Variants in FCRLB observed in about 807,000 individuals in gnomAD.
FCRLB encodes the protein Fc receptor-like B.
In FCRLB, 34 loss-of-function variants were observed where a neutral mutation model predicts 33.6. The ratio of observed to expected loss-of-function variants is 1.01; its 90% CI spans 0.77 to 1.35. FCRLB has a LOEUF of 1.35. Ranked by LOEUF, FCRLB falls within the 40% of genes most tolerant of loss-of-function variation. FCRLB has a pLI of 0.00. For missense variants in FCRLB, 560 were observed against 580.2 expected, an observed-to-expected ratio of 0.97 and a Z score of 0.36; for synonymous variants, 280 against 255.9, an observed-to-expected ratio of 1.09 and a Z score of -0.90.
Position 161,726,461 on chromosome 1 carries a change from G to A in FCRLB, c.575-242G>A. On this transcript the variant is annotated intron_variant, in intron 6 of 7. Transcript: ENST00000367948. The surrounding 1 kb of genome is among the most constrained non-coding windows in gnomAD (Gnocchi z 5.2). ...CAGAACCCGAGCTGAGTGTCAGTCGGGATGTGACATGAAGCGTCTGGCCTG... is the reference window on the plus strand; with the variant it reads ...CAGAACCCGAGCTGAGTGTCAGTCGAGATGTGACATGAAGCGTCTGGCCTG... 2 of 732,286 alleles carry A rather than the reference G, an allele frequency of 2.7e-6. No individual in the cohort carries two copies. The highest frequency in any genetic ancestry group is 4.8e-6 in the Non-Finnish European group (2 of 412,982). 45.4% of individuals were successfully genotyped at this position (732,286 alleles called of 1,614,324 possible). A position where few individuals can be genotyped will look rare whatever the true frequency, so the allele number is the denominator to read the frequency against.
chr1:161,727,512 A>T (rs1488081399), exon 8 of FCRLB: 1 of 1,614,148 alleles, frequency 6.2e-7, no homozygotes, highest in Admixed American at 1.7e-5. Flanking sequence ...TGCTCCGAGA[A>T]ATGCAGCTGC....
At chr1:161,723,301 T>C in intron 4 of FCRLB, 66 bp from the exon 5 acceptor site, 1 of 1,571,596 alleles carries the variant, frequency 6.4e-7, no homozygotes, top group South Asian at 1.2e-5. Flanking sequence ...CTCAGGTCGT[T>C]TCTTTGGGCA....
Position 161,726,462 on chromosome 1 carries a change from G to A in FCRLB, c.575-241G>A, listed in dbSNP as rs781764763. 6 of 732,110 alleles carry A rather than the reference G, an allele frequency of 8.2e-6. No individual in the cohort carries two copies. Among genetic ancestry groups the A allele is most frequent in the South Asian group, 1.5e-5 (1 of 67,296 alleles). The allele number at this position is 732,110 out of a possible 1,614,324, so 45.4% of individuals were successfully genotyped here. The stretch of plus-strand genomic sequence containing the variant: ...AGAACCCGAGCTGAGTGTCAGTCGG[G>A]ATGTGACATGAAGCGTCTGGCCTGG... On this transcript the variant is annotated intron_variant, in intron 6 of 7. Coordinates refer to ENST00000367948, the Ensembl canonical transcript of FCRLB. The surrounding 1 kb of genome is among the most constrained non-coding windows in gnomAD (Gnocchi z 5.2).
At chr1:161,727,335 G>T in exon 8 of FCRLB, 1 of 1,613,728 alleles carries the variant, frequency 6.2e-7, no homozygotes, top group Non-Finnish European at 8.5e-7. Flanking sequence ...CCTTCAGAAA[G>T]CCCCCGGTGT....
exon 8 of FCRLB, chr1:161,727,459 T>A: frequency 6.2e-7 from 1 of 1,614,014 alleles, no homozygotes; most frequent in Non-Finnish European, 8.5e-7. Flanking sequence ...GCCGACGCCC[T>A]TGGAACAATC....
At chr1:161,724,081 G>C (rs1201661837) in intron 5 of FCRLB, among the ~76,000 whole-genome samples, 3 of 152,162 alleles carry the variant, frequency 2.0e-5, no homozygotes, top group Admixed American at 1.3e-4. Context: ...CTGTAAAGAA[G>C]GGACAATAAT....
rs868777473 is a variant in FCRLB at position 161,726,351 on chromosome 1, G to A, written c.574+264G>A. ...CCCACAGAGAGGGCAGCTCTGGCAGGGGCAGGGGCCACTGTGGGACTGGGA... is the reference window on the plus strand; with the variant it reads ...CCCACAGAGAGGGCAGCTCTGGCAGAGGCAGGGGCCACTGTGGGACTGGGA... On this transcript the variant is annotated intron_variant, in intron 6 of 7. Coordinates refer to ENST00000367948, the Ensembl canonical transcript of FCRLB. The surrounding 1 kb of genome is among the most constrained non-coding windows in gnomAD (Gnocchi z 5.2). 3 of 744,976 alleles carry A rather than the reference G, an allele frequency of 4.0e-6. No individual in the cohort carries two copies. In the African/African-American group the frequency reaches 5.2e-5, roughly 13 times the overall value. The allele number at this position is 744,976 out of a possible 1,614,324, so 46.1% of individuals were successfully genotyped here.
chr1:161,726,978 C>T lies in FCRLB; in HGVS notation c.850C>T (p.Gln284Ter), dbSNP rs775087807. The change falls in exon 7 of 8, where the codon CAG (glutamine) becomes TAG (stop). Residue 284 changes from glutamine to a stop codon, truncating the protein, a stop_gained. Transcript: ENST00000367948. LOFTEE classifies it low-confidence loss of function (END_TRUNC). This position sits in a 1 kb window ranked among gnomAD's most constrained non-coding sequence, Gnocchi z 5.2. ...TGTCCGGAAACGCAGTCCGTGGCTG[C>T]AGCTCCCGGGGCCGGGTGAGTGCCT... The T allele has an allele frequency of 1.3e-6, 2 of 1,527,854 alleles. No individual in the cohort carries two copies. The highest frequency in any genetic ancestry group is 1.8e-6 in the Non-Finnish European group (2 of 1,137,278). 94.6% of individuals were successfully genotyped at this position (1,527,854 alleles called of 1,614,324 possible).
rs755289153 is a variant in FCRLB, at chr1:161,727,199, GAGA to G, written c.866-43_866-41del. 4.7e-6 allele frequency: 6 copies of G among 1,271,860 alleles called. No homozygotes were observed. In the East Asian group the frequency reaches 1.5e-4, roughly 32 times the overall value. The allele number at this position is 1,271,860 out of a possible 1,614,324, so 78.8% of individuals were successfully genotyped here. A position where few individuals can be genotyped will look rare whatever the true frequency, so the allele number is the denominator to read the frequency against. On this transcript the variant is annotated intron_variant, in intron 7 of 7. Transcript: ENST00000367948. The stretch of plus-strand genomic sequence containing the variant: ...TACGCCCCTCCCCCAGCCCAGCGCC[GAGA>G]AGAACCATGCAAGCCGCGCGTGACT...
chr1:161,727,018 A>G, intron 7 of FCRLB, 25 bp downstream of exon 7: 1 of 1,479,504 alleles, frequency 6.8e-7, no homozygotes, highest in Non-Finnish European at 9.0e-7. Context: ...ACCCTCCCGG[A>G]CGCCGACCCT....
In FCRLB at chr1:161,726,977, G is replaced by A; in HGVS notation, c.849G>A (p.Leu283=). 4 of 1,527,634 alleles carry A rather than the reference G, an allele frequency of 2.6e-6. No homozygotes were observed. The highest frequency in any genetic ancestry group is 3.5e-6 in the Non-Finnish European group (4 of 1,137,098). The allele number at this position is 1,527,634 out of a possible 1,614,324, so 94.6% of individuals were successfully genotyped here. A position where few individuals can be genotyped will look rare whatever the true frequency, so the allele number is the denominator to read the frequency against. ...GTGTCCGGAAACGCAGTCCGTGGCT[G>A]CAGCTCCCGGGGCCGGGTGAGTGCC... Residue 283 remains leucine, a synonymous_variant, in exon 7 of 8, where the codon CTG becomes CTA. Coordinates refer to ENST00000367948, the Ensembl canonical transcript of FCRLB. The surrounding 1 kb of genome is among the most constrained non-coding windows in gnomAD (Gnocchi z 5.2).
intron 2 of FCRLB, 65 bp from the exon 3 acceptor site, chr1:161,722,588 T>C (rs1683405201): frequency 2.0e-6 from 3 of 1,487,998 alleles, no homozygotes; most frequent in South Asian, 1.2e-5. Flanking sequence ...CTCAGTGGCA[T>C]CCACTGGCCA....
chr1:161,722,942 G>A (rs375116684), intron 3 of FCRLB, 47 bp from the exon 4 acceptor site: 97 of 1,611,532 alleles, frequency 6.0e-5, no homozygotes, highest in Non-Finnish European at 7.8e-5. Context: ...TCCTCTCATC[G>A]CCAATATTCT....
At position 161,722,970 on chromosome 1, in the gene FCRLB, C is replaced by T. The variant is rs1259824829; in HGVS notation, c.32-19C>T. ...AATATTCTCCTTCTCCTTCCTCTTC[C>T]TTCTTTCCTGTTCTGCAGTTCCAAG... On this transcript the variant is annotated intron_variant, in intron 3 of 7. Transcript: ENST00000367948. The T allele has an allele frequency of 3.7e-6, 6 of 1,613,470 alleles. No homozygotes were observed. Among genetic ancestry groups the T allele is most frequent in the Non-Finnish European group, 4.2e-6 (5 of 1,179,952 alleles).
rs1683422256 is a variant in FCRLB, at chr1:161,722,988, G to A, written c.32-1G>A. 4 of 1,613,756 alleles carry A rather than the reference G, an allele frequency of 2.5e-6. No homozygotes were observed. In the East Asian group the frequency reaches 8.9e-5, roughly 36 times the overall value. Reference sequence around the variant, plus strand: ...CCTCTTCCTTCTTTCCTGTTCTGCAGTTCCAAGCAGTGGGCAAGCTGGTGA... The same window carrying A: ...CCTCTTCCTTCTTTCCTGTTCTGCAATTCCAAGCAGTGGGCAAGCTGGTGA... On this transcript the variant is annotated splice_acceptor_variant, in intron 3 of 7. Transcript: ENST00000367948. LOFTEE classifies it high-confidence loss of function.
In FCRLB at chr1:161,726,574, TG is replaced by T; in HGVS notation, c.575-127del. On this transcript the variant is annotated intron_variant, in intron 6 of 7. Transcript: ENST00000367948. This position sits in a 1 kb window ranked among gnomAD's most constrained non-coding sequence, Gnocchi z 5.2. ...AGAAGGCTCCCCTTCCCCCTCCACG[TG>T]GACACACGGCCTCCTCCCCTCCCCC... is the stretch of plus-strand genomic sequence containing the variant. The T allele has an allele frequency of 7.8e-7, 1 of 1,285,668 alleles. No homozygotes were observed. Among genetic ancestry groups the T allele is most frequent in the Non-Finnish European group, 1.1e-6 (1 of 919,224 alleles). 79.6% of individuals were successfully genotyped at this position (1,285,668 alleles called of 1,614,324 possible). A position where few individuals can be genotyped will look rare whatever the true frequency, so the allele number is the denominator to read the frequency against.
In FCRLB at chr1:161,726,372, T is replaced by C; in HGVS notation, c.574+285T>C. On this transcript the variant is annotated intron_variant, in intron 6 of 7. Transcript: ENST00000367948. This position sits in a 1 kb window ranked among gnomAD's most constrained non-coding sequence, Gnocchi z 5.2. Reference sequence around the variant, plus strand: ...GCAGGGGCAGGGGCCACTGTGGGACTGGGACGAAGGAGCGACTCCCTAGCG... The same window carrying C: ...GCAGGGGCAGGGGCCACTGTGGGACCGGGACGAAGGAGCGACTCCCTAGCG... The C allele has an allele frequency of 1.4e-6, 1 of 727,762 alleles. No individual in the cohort carries two copies. Among genetic ancestry groups the C allele is most frequent in the East Asian group, 2.7e-5 (1 of 36,676 alleles). 45.1% of individuals were successfully genotyped at this position (727,762 alleles called of 1,614,324 possible). A position where few individuals can be genotyped will look rare whatever the true frequency, so the allele number is the denominator to read the frequency against.
In FCRLB at chr1:161,723,295, G is replaced by C. The variant is rs561094070; in HGVS notation, c.53-72G>C. 64 of 1,562,736 alleles carry C rather than the reference G, an allele frequency of 4.1e-5. No homozygotes were observed. The African/African-American group carries it at 7.6e-4, about 19-fold the overall frequency. Reference sequence around the variant, plus strand: ...GGTTTCCTAAGATTTCCCAAACTCAGGTCGTTTCTTTGGGCACCTCACCTT... The same window carrying C: ...GGTTTCCTAAGATTTCCCAAACTCACGTCGTTTCTTTGGGCACCTCACCTT... On this transcript the variant is annotated intron_variant, in intron 4 of 7. Coordinates refer to ENST00000367948, the Ensembl canonical transcript of FCRLB.
At chr1:161,722,239 T>C (rs751497256) in intron 2 of FCRLB, among the ~76,000 whole-genome samples, 43 of 152,148 alleles carry the variant, frequency 2.8e-4, no homozygotes, top group Non-Finnish European at 5.1e-4. Flanking sequence ...CTTAAGGACA[T>C]GAGGCCGTGT....
Sources: allele counts gnomAD v4.1 joint callset (sites outside exome capture counted in the v4.1 genomes callset), GRCh38; gene constraint gnomAD v4.1.1; non-coding constraint Gnocchi (gnomAD v3.1); transcripts MANE v1.5; gene names NCBI Gene and HGNC (gene_info 2026-07-23, HGNC 2026-07-21).